Variants in HAPLN3 observed in about 807,000 individuals in gnomAD.
HAPLN3 encodes the protein extracellular link domain containing, 1.
Under a neutral mutation model 28.1 loss-of-function variants are expected in HAPLN3, and 28 were observed. The ratio of observed to expected loss-of-function variants is 1.00; its 90% CI spans 0.74 to 1.37. The LOEUF (loss-of-function observed/expected upper bound fraction) is 1.37, where lower values mean the gene tolerates loss of function less well. Ranked by LOEUF, HAPLN3 falls within the 40% of genes most tolerant of loss-of-function variation. The probability of loss-of-function intolerance (pLI) is 0.00; values close to 1 mark genes in which losing one functional copy is unlikely to be tolerated. For missense variants in HAPLN3, 513 were observed against 504.6 expected (o/e 1.02, Z -0.16); for synonymous variants, 211 against 213.1 (o/e 0.99, Z 0.09).
At chr15:88,887,491 G>C (rs1253001260) in intron 1 of HAPLN3, 146 bp from the exon 2 acceptor site, 1 of 747,210 alleles carries the variant, frequency 1.3e-6, no homozygotes, top group African/African-American at 1.8e-5. Context: ...TCCCGGAGCT[G>C]AGAAGACAGC....
Position 88,881,575 on chromosome 15 carries a change from G to A in HAPLN3, c.275C>T (p.Ser92Leu), listed in dbSNP as rs201108072. The A allele has an allele frequency of 3.2e-4, 524 of 1,614,054 alleles. 1 individual carries two copies. The highest frequency in any genetic ancestry group is 1.6e-3 in the Middle Eastern group (10 of 6,062). Residue 92 changes from serine to leucine, a missense_variant, in exon 3 of 5, where the codon TCG (serine) becomes TTG (leucine). By Grantham distance (145) the Ser-to-Leu change is moderately radical. Coordinates refer to ENST00000359595, the MANE Select transcript of HAPLN3 (RefSeq NM_178232.4). This position sits in a 1 kb window ranked among gnomAD's most constrained non-coding sequence, Gnocchi z 6.0. ...RRVRVKWWKL[S>L]ENGAPEKDVL... ...GTCCTTCTCTGGGGCCCCGTTCTCC[G>A]ACAGCTTCCACCATTTGACACGCAC...
At position 88,880,494 on chromosome 15, in the gene HAPLN3, G is replaced by C; in HGVS notation, c.493+863C>G. The C allele has an allele frequency of 7.9e-7, 1 of 1,264,064 alleles. No homozygotes were observed. Among genetic ancestry groups the C allele is most frequent in the Non-Finnish European group, 1.0e-6 (1 of 969,172 alleles). The allele number at this position is 1,264,064 out of a possible 1,614,324, so 78.3% of individuals were successfully genotyped here. ...AGGCCCAGGGCTCTAAGGGGGATGAGGCATTTACCCACATGTCATAGCTGG... is the reference window on the plus strand; with the variant it reads ...AGGCCCAGGGCTCTAAGGGGGATGACGCATTTACCCACATGTCATAGCTGG... On this transcript the variant is annotated intron_variant, in intron 3 of 4. Coordinates refer to ENST00000359595, the MANE Select transcript of HAPLN3 (RefSeq NM_178232.4). The surrounding 1 kb of genome is among the most constrained non-coding windows in gnomAD (Gnocchi z 6.0).
chr15:88,878,303 G>C, intron 4 of HAPLN3, 47 bp from the exon 5 acceptor site: 8 of 1,549,818 alleles, frequency 5.2e-6, no homozygotes, highest in Non-Finnish European at 7.0e-6. Flanking sequence ...GGGGCAGCCA[G>C]AGAGCACAGC....
intron 1 of HAPLN3, among the ~76,000 whole-genome samples, chr15:88,890,238 C>G (rs1387147099): frequency 6.6e-6 from 1 of 152,140 alleles, no homozygotes; most frequent in East Asian, 1.9e-4. Flanking sequence ...ATCCCAAGGC[C>G]CAGACCTGCC....
In HAPLN3 at chr15:88,879,441, C is replaced by G; in HGVS notation, c.494-172G>C. ...ACCTCCTGTCCGTTGCCGCCTCTCT[C>G]CTGGGACTCAGCTGGTTCACAGCAG... is the stretch of plus-strand genomic sequence containing the variant. On this transcript the variant is annotated intron_variant, in intron 3 of 4. Coordinates refer to ENST00000359595, the MANE Select transcript of HAPLN3 (RefSeq NM_178232.4). This position sits in a 1 kb window ranked among gnomAD's most constrained non-coding sequence, Gnocchi z 5.0. 6.5e-7 allele frequency: 1 copy of G among 1,534,408 alleles called. No individual in the cohort carries two copies. Among genetic ancestry groups the G allele is most frequent in the East Asian group, 2.4e-5 (1 of 40,878 alleles).
At chr15:88,892,370 T>C (rs531302905) in intron 1 of HAPLN3, among the ~76,000 whole-genome samples, 3 of 151,906 alleles carry the variant, frequency 2.0e-5, no homozygotes, top group Non-Finnish European at 4.4e-5. Context: ...GGCAGGAGAA[T>C]TGCTTGAACC....
chr15:88,890,984 C>T (rs946961007), intron 1 of HAPLN3, among the ~76,000 whole-genome samples: 1 of 151,522 alleles, frequency 6.6e-6, no homozygotes, highest in African/African-American at 2.4e-5. Context: ...TCAAGCAATT[C>T]TTCCTGCCTC....
At chr15:88,890,445 T>G (rs1897982136) in intron 1 of HAPLN3, among the ~76,000 whole-genome samples, 1 of 152,162 alleles carries the variant, frequency 6.6e-6, no homozygotes, top group Non-Finnish European at 1.5e-5. Flanking sequence ...CTACTATTTA[T>G]TCACTGCGAG....
intron 1 of HAPLN3, 62 bp from the exon 2 acceptor site, chr15:88,887,407 C>G: frequency 7.0e-7 from 1 of 1,425,968 alleles, no homozygotes; most frequent in Non-Finnish European, 9.6e-7. Context: ...CACATCCCCT[C>G]TGCTCCAACA....
intron 1 of HAPLN3, among the ~76,000 whole-genome samples, chr15:88,894,407 A>G (rs531009563): frequency 6.6e-6 from 1 of 152,198 alleles, no homozygotes; most frequent in African/African-American, 2.4e-5. Context: ...GCATGTCCGC[A>G]CTGGGCCTTC....
Position 88,884,778 on chromosome 15 carries a change from T to A in HAPLN3, c.124+2397A>T, listed in dbSNP as rs145390043. ...CCCTAAATGCAAATGCGCAAGTACCTGTTTAGAGGGAGGCAGAGGGAGATT... is the reference window on the plus strand; with the variant it reads ...CCCTAAATGCAAATGCGCAAGTACCAGTTTAGAGGGAGGCAGAGGGAGATT... On this transcript the variant is annotated intron_variant, in intron 2 of 4. Coordinates refer to ENST00000359595, the MANE Select transcript of HAPLN3 (RefSeq NM_178232.4). Among the ~76,000 whole-genome samples, 27 of 151,984 alleles carry A rather than the reference T, an allele frequency of 1.8e-4. 1 individual carries two copies. Among genetic ancestry groups the A allele is most frequent in the African/African-American group, 6.5e-4 (27 of 41,432 alleles).
Position 88,881,348 on chromosome 15 carries a change from G to A in HAPLN3, c.493+9C>T. The A allele has an allele frequency of 5.6e-6, 9 of 1,605,456 alleles. No individual in the cohort carries two copies. Among genetic ancestry groups the A allele is most frequent in the Non-Finnish European group, 7.7e-6 (9 of 1,175,672 alleles). ...TCCCAGTGTCACCCAGTCCCCGTTA[G>A]CATCTCACCCCGCAGCTCCAGCTCC... On this transcript the variant is annotated intron_variant, in intron 3 of 4. Transcript: ENST00000359595. This position sits in a 1 kb window ranked among gnomAD's most constrained non-coding sequence, Gnocchi z 6.0.
At chr15:88,889,994 G>A (rs922998291) in intron 1 of HAPLN3, among the ~76,000 whole-genome samples, 8 of 132,614 alleles carry the variant, frequency 6.0e-5, no homozygotes, top group Non-Finnish European at 1.3e-4. Flanking sequence ...AGAAGGAAGG[G>A]AGGGAGGGAG....
In HAPLN3 at chr15:88,879,972, G is replaced by A; in HGVS notation, c.494-703C>T. Reference sequence around the variant, plus strand: ...CAATGAAACCTTAGGGAGTGGAGGTGACCCTAGGGGTCTGGGAAGGACACT... The same window carrying A: ...CAATGAAACCTTAGGGAGTGGAGGTAACCCTAGGGGTCTGGGAAGGACACT... On this transcript the variant is annotated intron_variant, in intron 3 of 4. Coordinates refer to ENST00000359595, the MANE Select transcript of HAPLN3 (RefSeq NM_178232.4). The surrounding 1 kb of genome is among the most constrained non-coding windows in gnomAD (Gnocchi z 5.0). The A allele has an allele frequency of 1.0e-6, 1 of 998,966 alleles. No homozygotes were observed. The highest frequency in any genetic ancestry group is 4.4e-5 in the South Asian group (1 of 22,712). The allele number at this position is 998,966 out of a possible 1,614,324, so 61.9% of individuals were successfully genotyped here.
intron 2 of HAPLN3, among the ~76,000 whole-genome samples, chr15:88,884,274 G>A (rs1897785482): frequency 6.6e-6 from 1 of 152,018 alleles, no homozygotes; most frequent in African/African-American, 2.4e-5. Context: ...CATTAAAGTA[G>A]TGCTTGTAGG....
Position 88,888,332 on chromosome 15 carries a change from C to T in HAPLN3, c.-47-987G>A, listed in dbSNP as rs1316386422. 6.6e-6 allele frequency among the ~76,000 whole-genome samples: 1 copy of T among 151,978 alleles called. No homozygotes were observed. The highest frequency in any genetic ancestry group is 2.1e-4 in the South Asian group (1 of 4,810). Reference sequence around the variant, plus strand: ...GATCTCAATCTCCTGACCTAGTGATCAGCCCGCCTCGGCCTCCCAAAGTGC... The same window carrying T: ...GATCTCAATCTCCTGACCTAGTGATTAGCCCGCCTCGGCCTCCCAAAGTGC... On this transcript the variant is annotated intron_variant, in intron 1 of 4. Transcript: ENST00000359595. This position sits in a 1 kb window ranked among gnomAD's most constrained non-coding sequence, Gnocchi z 4.1.
chr15:88,891,358 A>T (rs112840709), intron 1 of HAPLN3, among the ~76,000 whole-genome samples: 1 of 151,692 alleles, frequency 6.6e-6, no homozygotes, highest in African/African-American at 2.4e-5. Flanking sequence ...GTGCAGTGGT[A>T]AGATCTCGGC....
chr15:88,884,334 G>C (rs553616222), intron 2 of HAPLN3, among the ~76,000 whole-genome samples: 1 of 152,302 alleles, frequency 6.6e-6, no homozygotes, highest in African/African-American at 2.4e-5. Context: ...GGAGGCCAAG[G>C]CGGGCGGATC....
At chr15:88,883,752 G>A (rs1897769032) in intron 2 of HAPLN3, among the ~76,000 whole-genome samples, 1 of 152,224 alleles carries the variant, frequency 6.6e-6, no homozygotes, top group South Asian at 2.1e-4. Flanking sequence ...GACATGAGCT[G>A]GTTTTTGTTG....
Sources: allele counts gnomAD v4.1 joint callset (sites outside exome capture counted in the v4.1 genomes callset), GRCh38; gene constraint gnomAD v4.1.1; non-coding constraint Gnocchi (gnomAD v3.1); transcripts MANE v1.5; gene names NCBI Gene and HGNC (gene_info 2026-07-23, HGNC 2026-07-21).